The following SLC16A14 variants were observed in gnomAD, a reference collection of about 807,000 sequenced individuals.
SLC16A14 encodes the protein monocarboxylate transporter 14.
Under a neutral mutation model 35.8 loss-of-function variants are expected in SLC16A14, and 14 were observed. That is an observed-to-expected ratio of 0.39 (90% CI 0.26 to 0.61). SLC16A14 has a LOEUF of 0.61. Ranked by LOEUF, SLC16A14 falls within the 20% of genes least tolerant of loss-of-function variation. The pLI is 0.51. For missense variants in SLC16A14, 533 were observed against 655.0 expected (o/e 0.81, Z 2.03); for synonymous variants, 248 against 258.9 (o/e 0.96, Z 0.40).
Position 230,036,354 on chromosome 2 carries a change from A to G in SLC16A14, c.*1026T>C, listed in dbSNP as rs1416693892. ...CAACACGAGAGTCTAGAGATGGGCT[A>G]TTTGTTATCACTACTCCAGTGTCAG... On this transcript the variant is annotated 3_prime_UTR_variant, in exon 5 of 5. Transcript: ENST00000295190. 3 of 152,180 alleles carry G rather than the reference A, an allele frequency of 2.0e-5. No individual in the cohort carries two copies. The highest frequency in any genetic ancestry group is 4.8e-5 in the African/African-American group (2 of 41,458). The allele number at this position is 152,180 out of a possible 1,614,324, so 9.4% of individuals were successfully genotyped here. A position where few individuals can be genotyped will look rare whatever the true frequency, so the allele number is the denominator to read the frequency against.
rs1315588951 is a variant in SLC16A14 at position 230,038,145 on chromosome 2, G to T, written c.1382-614C>A. Among the ~76,000 whole-genome samples, 1 of 152,098 alleles carries T rather than the reference G, an allele frequency of 6.6e-6. No individual in the cohort carries two copies. Among genetic ancestry groups the T allele is most frequent in the African/African-American group, 2.4e-5 (1 of 41,422 alleles). On this transcript the variant is annotated intron_variant, in intron 4 of 4. Transcript: ENST00000295190. This position sits in a 1 kb window ranked among gnomAD's most constrained non-coding sequence, Gnocchi z 4.4. ...ATTTATAAAACTCTAAGTTGCCAAA[G>T]ATACTGCCATAGATGCTGACTAAAT... is the stretch of plus-strand genomic sequence containing the variant.
At chr2:230,052,664 A>G (rs191250533) in intron 2 of SLC16A14, among the ~76,000 whole-genome samples, 1 of 152,164 alleles carries the variant, frequency 6.6e-6, no homozygotes, top group East Asian at 1.9e-4. Context: ...GCAAATATTC[A>G]TGTCTGGAGG....
At position 230,040,364 on chromosome 2, in the gene SLC16A14, C is replaced by T. The variant is rs115376154; in HGVS notation, c.1382-2833G>A. On this transcript the variant is annotated intron_variant, in intron 4 of 4. Transcript: ENST00000295190. ...CCTCCCGAGTAGCTGGGATTACAGG[C>T]GGCATGCGCCACCACACCTGGCTAA... 7.9e-3 allele frequency among the ~76,000 whole-genome samples: 1,206 copies of T among 152,018 alleles called. 8 individuals carry two copies. The highest frequency in any genetic ancestry group is 0.022 in the South Asian group (104 of 4,808).
In SLC16A14 at chr2:230,036,273, C is replaced by T. The variant is rs2077519148; in HGVS notation, c.*1107G>A. 1 of 152,420 alleles carries T rather than the reference C, an allele frequency of 6.6e-6. No individual in the cohort carries two copies. Among genetic ancestry groups the T allele is most frequent in the Non-Finnish European group, 1.5e-5 (1 of 68,020 alleles). The allele number at this position is 152,420 out of a possible 1,614,324, so 9.4% of individuals were successfully genotyped here. On this transcript the variant is annotated 3_prime_UTR_variant, in exon 5 of 5. Transcript: ENST00000295190. ...CAGTCATCTTCTGTATGAAATCAAT[C>T]AAGAGAACTATTTTTAAAACTGTGC...
At chr2:230,056,519 G>A (rs530290960) in intron 2 of SLC16A14, among the ~76,000 whole-genome samples, 6 of 152,058 alleles carry the variant, frequency 3.9e-5, no homozygotes, top group Non-Finnish European at 8.8e-5. Context: ...GCCTCCCGAA[G>A]TGCTGGGATT....
At chr2:230,056,099 C>T (rs1480411177) in intron 2 of SLC16A14, among the ~76,000 whole-genome samples, 1 of 152,202 alleles carries the variant, frequency 6.6e-6, no homozygotes, top group Admixed American at 6.5e-5. Flanking sequence ...TTCTGACATA[C>T]ATAATGGTGC....
Position 230,035,423 on chromosome 2 carries a change from G to A in SLC16A14, c.*1957C>T, listed in dbSNP as rs2077512887. ...TTTAAAATATTTAACACTGCCTCTT[G>A]TTAGTTTGATGTTGTCGGAAAATGA... On this transcript the variant is annotated 3_prime_UTR_variant, in exon 5 of 5. Transcript: ENST00000295190. 2 of 152,562 alleles carry A rather than the reference G, an allele frequency of 1.3e-5. No individual in the cohort carries two copies. Among genetic ancestry groups the A allele is most frequent in the South Asian group, 4.2e-4 (2 of 4,788 alleles). The allele number at this position is 152,562 out of a possible 1,614,324, so 9.5% of individuals were successfully genotyped here.
intron 3 of SLC16A14, 142 bp downstream of exon 3, chr2:230,049,619 T>A: frequency 1.2e-6 from 1 of 820,220 alleles, no homozygotes; most frequent in Non-Finnish European, 1.9e-6. Context: ...TTTCCAGGAG[T>A]GTAGGGAGGG....
At chr2:230,044,740 G>GTGTGTA (rs1553818071) in intron 4 of SLC16A14, among the ~76,000 whole-genome samples, 118 of 143,436 alleles carry the variant, frequency 8.2e-4, no homozygotes, top group African/African-American at 2.9e-3. Context: ...GTGTGTGTAT[G>GTGTGTA]TGTGTGTGTG....
intron 4 of SLC16A14, among the ~76,000 whole-genome samples, chr2:230,041,339 A>G: frequency 6.6e-6 from 1 of 151,940 alleles, no homozygotes; most frequent in Non-Finnish European, 1.5e-5. Context: ...ATTTTGTTTT[A>G]TTTTATTTTA....
At chr2:230,049,702 A>T (rs2077641571) in intron 3 of SLC16A14, 59 bp downstream of exon 3, 1 of 1,569,374 alleles carries the variant, frequency 6.4e-7, no homozygotes, top group Non-Finnish European at 8.7e-7. Flanking sequence ...AATTAAATCC[A>T]CTGCCAAGAT....
chr2:230,067,804 A>C (rs1577405830), intron 1 of SLC16A14, among the ~76,000 whole-genome samples: 1 of 152,018 alleles, frequency 6.6e-6, no homozygotes, highest in Admixed American at 6.5e-5. Context: ...CCGGTCTCTC[A>C]CCCCATTTCA....
intron 4 of SLC16A14, among the ~76,000 whole-genome samples, chr2:230,040,214 CATTATT>C (rs138263085): frequency 6.6e-6 from 1 of 150,420 alleles, no homozygotes; most frequent in Non-Finnish European, 1.5e-5. Context: ...AAATTGAATT[CATTATT>C]ATTATTATTA....
chr2:230,049,943 C>A, intron 2 of SLC16A14, 39 bp from the exon 3 acceptor site: 1 of 1,596,864 alleles, frequency 6.3e-7, no homozygotes, highest in Non-Finnish European at 8.6e-7. Flanking sequence ...ACTAAAGGTG[C>A]TTCCGTTTTA....
At chr2:230,056,063 C>T (rs1298913198) in intron 2 of SLC16A14, among the ~76,000 whole-genome samples, 1 of 152,188 alleles carries the variant, frequency 6.6e-6, no homozygotes, top group Non-Finnish European at 1.5e-5. Flanking sequence ...AACAATGTTA[C>T]AGACAAAAAT....
intron 3 of SLC16A14, among the ~76,000 whole-genome samples, chr2:230,049,056 T>TTAC (rs1354712232): frequency 4.3e-5 from 2 of 46,908 alleles, no homozygotes; most frequent in Non-Finnish European, 1.1e-4. Context: ...GGAGGCTTTA[T>TTAC]TATTATTATT....
At chr2:230,040,633 GT>G (rs35243436) in intron 4 of SLC16A14, among the ~76,000 whole-genome samples, 1 of 151,726 alleles carries the variant, frequency 6.6e-6, no homozygotes, top group Non-Finnish European at 1.5e-5. Context: ...ACTCATGTCA[GT>G]TTTTTTTAAA....
intron 3 of SLC16A14, among the ~76,000 whole-genome samples, chr2:230,047,758 G>A (rs2077621538): frequency 6.6e-6 from 1 of 152,198 alleles, no homozygotes; most frequent in South Asian, 2.1e-4. Context: ...AGTATGTGAG[G>A]TGATGGATAT....
At chr2:230,064,096 C>CA (rs547480511) in intron 1 of SLC16A14, among the ~76,000 whole-genome samples, 3,902 of 97,376 alleles carry the variant, frequency 0.04, 73 homozygotes, top group Non-Finnish European at 0.054. Flanking sequence ...GACCCTGTCT[C>CA]AAAAAAAAAA....
Sources: allele counts gnomAD v4.1 joint callset (sites outside exome capture counted in the v4.1 genomes callset), GRCh38; gene constraint gnomAD v4.1.1; non-coding constraint Gnocchi (gnomAD v3.1); transcripts MANE v1.5; gene names NCBI Gene and HGNC (gene_info 2026-07-23, HGNC 2026-07-21).